ANXA8: variants seen among roughly 807,000 people sequenced by gnomAD.
ANXA8 encodes the protein VAC-beta.
In ANXA8, 9 loss-of-function variants were observed where a neutral mutation model predicts 26.8. The ratio of observed to expected loss-of-function variants is 0.34; its 90% confidence interval spans 0.20 to 0.59. The LOEUF is 0.59. ANXA8 is among the 20% of genes least tolerant of loss of function. The pLI is 0.84. For synonymous variants in ANXA8, 39 were observed against 94.8 expected, an observed-to-expected ratio of 0.41 and a Z score of 3.42; for missense variants, 83 against 238.5, an observed-to-expected ratio of 0.35 and a Z score of 4.29.
At chr10:47,687,336 T>A in the ANXA8 span, among the ~76,000 whole-genome samples, 1 of 151,024 alleles carries the variant, frequency 6.6e-6, no homozygotes. Flanking sequence ...AGTGGCACGA[T>A]CTTGGCTCAC....
At chr10:47,627,937 A>G in the ANXA8 span, among the ~76,000 whole-genome samples, 1 of 149,764 alleles carries the variant, frequency 6.7e-6, no homozygotes, top group Admixed American at 6.6e-5. Context: ...TTAACATGCT[A>G]TACTGGTAAA....
At chr10:47,968,208 G>A in the ANXA8 span, among the ~76,000 whole-genome samples, 1 of 149,646 alleles carries the variant, frequency 6.7e-6, no homozygotes, top group East Asian at 2.0e-4. Flanking sequence ...CATTTCTCTG[G>A]CTCTCCTCTC....
chr10:47,701,394 CA>C, the ANXA8 span, among the ~76,000 whole-genome samples: 1 of 151,740 alleles, frequency 6.6e-6, no homozygotes, highest in African/African-American at 2.4e-5. Context: ...ACATCTCCAA[CA>C]ATATGAAAAT....
chr10:47,603,165 T>C, the ANXA8 span, among the ~76,000 whole-genome samples: 1 of 143,148 alleles, frequency 7.0e-6, no homozygotes, highest in Non-Finnish European at 1.5e-5. Flanking sequence ...AAAAGTTCAT[T>C]TTAATTAGCT....
chr10:47,669,639 T>C, the ANXA8 span, among the ~76,000 whole-genome samples: 1 of 151,384 alleles, frequency 6.6e-6, no homozygotes, highest in East Asian at 1.9e-4. Context: ...CGCATGAGCC[T>C]GGGATGTGGA....
chr10:47,982,801 CATATAT>C, the ANXA8 span, among the ~76,000 whole-genome samples: 1,486 of 12,948 alleles, frequency 0.11, 164 homozygotes, highest in South Asian at 0.22. Context: ...ATTTGCAAAT[CATATAT>C]ATATATATAT....
At chr10:47,762,979 G>C in the ANXA8 span, 1 of 1,279,200 alleles carries the variant, frequency 7.8e-7, no homozygotes, top group Admixed American at 3.7e-5. Flanking sequence ...GCTTGGGGCA[G>C]GGTGCGGTGA....
chr10:47,653,172 C>G, the ANXA8 span, among the ~76,000 whole-genome samples: 5 of 150,504 alleles, frequency 3.3e-5, no homozygotes, highest in African/African-American at 1.2e-4. Context: ...ATTAGGCAGG[C>G]ATGGTGGTGG....
chr10:47,623,146 C>T, the ANXA8 span, among the ~76,000 whole-genome samples: 1 of 108,302 alleles, frequency 9.2e-6, no homozygotes, highest in Non-Finnish European at 2.0e-5. Context: ...TATACCAAAC[C>T]ATATAGGAAA....
At chr10:47,572,713 G>A in the ANXA8 span, among the ~76,000 whole-genome samples, 23 of 122,254 alleles carry the variant, frequency 1.9e-4, 1 homozygote, top group East Asian at 6.6e-4. Context: ...GTGAAACTCC[G>A]TCTCAAAAAT....
chr10:47,985,468 G>T, the ANXA8 span: 4 of 112,572 alleles, frequency 3.6e-5, no homozygotes, highest in Non-Finnish European at 2.0e-5. Flanking sequence ...TTTTATCAGA[G>T]AAATTATAAT....
the ANXA8 span, chr10:47,502,147 G>A: frequency 5.4e-5 from 84 of 1,569,564 alleles, 14 homozygotes; most frequent in East Asian, 6.0e-4. Flanking sequence ...CCTGCCGGGC[G>A]TAGGTCAGCG....
the ANXA8 span, among the ~76,000 whole-genome samples, chr10:47,585,263 CAAAAAAAAAAAAAA>C: frequency 6.9e-5 from 3 of 43,592 alleles, no homozygotes; most frequent in African/African-American, 1.6e-4. Context: ...GACTCCATCT[CAAAAAAAAAAAAAA>C]AAAAAAAAAA....
At chr10:47,653,319 C>T in the ANXA8 span, among the ~76,000 whole-genome samples, 1 of 149,714 alleles carries the variant, frequency 6.7e-6, no homozygotes, top group East Asian at 1.9e-4. Flanking sequence ...CTCAAAAAAA[C>T]AAAAACAAAC....
chr10:47,570,622 A>T, the ANXA8 span, among the ~76,000 whole-genome samples: 115,334 of 148,774 alleles, frequency 0.78, 44,535 homozygotes, highest in Non-Finnish European at 0.83. Context: ...TCTCTACAAA[A>T]AATGAAAATG....
the ANXA8 span, among the ~76,000 whole-genome samples, chr10:47,489,308 G>A: frequency 2.8e-3 from 408 of 143,904 alleles, 25 homozygotes; most frequent in African/African-American, 9.8e-3. Context: ...ATGAGCCACC[G>A]CACCCTGCCA....
At chr10:47,667,002 C>A in the ANXA8 span, among the ~76,000 whole-genome samples, 1 of 152,040 alleles carries the variant, frequency 6.6e-6, no homozygotes, top group Admixed American at 6.5e-5. Context: ...CATTTTCTTT[C>A]AAATTTCCCA....
chr10:47,969,652 GTGGTTACAC>G, the ANXA8 span, among the ~76,000 whole-genome samples: 4 of 146,858 alleles, frequency 2.7e-5, no homozygotes, highest in Admixed American at 2.8e-4. Flanking sequence ...AAGGGCCCCT[GTGGTTACAC>G]TGGGTACACC....
the ANXA8 span, among the ~76,000 whole-genome samples, chr10:47,937,689 C>T: frequency 3.4e-4 from 49 of 144,110 alleles, 2 homozygotes; most frequent in South Asian, 0.011. Context: ...CATCATTTAG[C>T]TCCCACTTAT....
Sources: allele counts gnomAD v4.1 joint callset (sites outside exome capture counted in the v4.1 genomes callset), GRCh38; gene constraint gnomAD v4.1.1; transcripts MANE v1.5; gene names NCBI Gene and HGNC (gene_info 2026-07-23, HGNC 2026-07-21).